GLP1R: variants seen among roughly 807,000 people sequenced by gnomAD.
GLP1R encodes glucagon like peptide 1 receptor.
GLP1R carries 32 observed loss-of-function variants against 68.4 expected under a neutral mutation model. The ratio of observed to expected loss-of-function variants is 0.47; its 90% CI spans 0.35 to 0.63. The LOEUF is 0.63. Among genes scored for constraint, GLP1R ranks in the 20% least tolerant of loss-of-function variants. The pLI is 0.00. For missense variants in GLP1R, 502 were observed against 594.9 expected, an observed-to-expected ratio of 0.84 and a Z score of 1.62; for synonymous variants, 263 against 244.4, an observed-to-expected ratio of 1.08 and a Z score of -0.71.
At chr6:39,061,509 G>C (rs1325068491) in intron 3 of GLP1R, among the ~76,000 whole-genome samples, 1 of 152,186 alleles carries the variant, frequency 6.6e-6, no homozygotes, top group Non-Finnish European at 1.5e-5. Flanking sequence ...CCTCCCCTGA[G>C]TAATGTGGAG....
rs201899163 is a variant in GLP1R, at chr6:39,079,701, A to G, written c.1181A>G (p.Gln394Arg). The G allele has an allele frequency of 3.1e-6, 5 of 1,612,328 alleles. No homozygotes were observed. The highest frequency in any genetic ancestry group is 1.1e-5 in the South Asian group (1 of 90,852). ...LFTELSFTSFQGLMVAILYCF... is the reference protein window; with the variant it reads ...LFTELSFTSFRGLMVAILYCF... ...ACAGAGCTCTCCTTCACCTCCTTCC[A>G]GGTGACTTCATGCTTGGGGACACTT... The change falls in exon 11 of 13, where the codon CAG (glutamine) becomes CGG (arginine). Residue 394 changes from glutamine (Q) to arginine (R), a missense_variant and splice_region_variant. Physicochemically the swap from Gln to Arg is conservative, Grantham distance 43. Coordinates refer to ENST00000373256, the MANE Select transcript of GLP1R (RefSeq NM_002062.5). The surrounding 1 kb of genome is among the most constrained non-coding windows in gnomAD (Gnocchi z 4.5).
chr6:39,058,572 G>T (rs1454825642), intron 3 of GLP1R, among the ~76,000 whole-genome samples: 1 of 152,116 alleles, frequency 6.6e-6, no homozygotes, highest in Admixed American at 6.5e-5. Context: ...CACCGTGGAG[G>T]ATAACAGGAG....
At position 39,078,393 on chromosome 6, in the gene GLP1R, T is replaced by C; in HGVS notation, c.884+11T>C. 6.3e-7 allele frequency: 1 copy of C among 1,597,880 alleles called. No individual in the cohort carries two copies. Among genetic ancestry groups the C allele is most frequent in the Non-Finnish European group, 8.6e-7 (1 of 1,165,220 alleles). The stretch of plus-strand genomic sequence containing the variant: ...CTATGAGGACGAGGGGTGAGTGTCC[T>C]GCTCCAAGGGGGCGGGTGTGCCCAG... On this transcript the variant is annotated intron_variant, in intron 8 of 12. Transcript: ENST00000373256.
intron 3 of GLP1R, among the ~76,000 whole-genome samples, chr6:39,064,000 CT>C (rs34132463): frequency 0.26 from 28,738 of 111,776 alleles, 3,267 homozygotes; most frequent in African/African-American, 0.32. Flanking sequence ...AGACTCAGTT[CT>C]TTTTTTTTTT....
chr6:39,086,565 C>A lies in GLP1R; in HGVS notation c.*492C>A, dbSNP rs1438675905. ...CTGCTTGCATCACTTGGGGTCACCA[C>A]CCTCCCCTGTCTTCTCTCAAAGGGA... On this transcript the variant is annotated 3_prime_UTR_variant, in exon 13 of 13. Coordinates refer to ENST00000373256, the MANE Select transcript of GLP1R (RefSeq NM_002062.5). This position sits in a 1 kb window ranked among gnomAD's most constrained non-coding sequence, Gnocchi z 4.5. 1.3e-5 allele frequency: 2 copies of A among 153,376 alleles called. No individual in the cohort carries two copies. Among genetic ancestry groups the A allele is most frequent in the Admixed American group, 6.5e-5 (1 of 15,306 alleles). 9.5% of individuals were successfully genotyped at this position (153,376 alleles called of 1,614,324 possible).
chr6:39,068,101 G>GA (rs1448393271), intron 5 of GLP1R, among the ~76,000 whole-genome samples: 2 of 151,836 alleles, frequency 1.3e-5, no homozygotes, highest in African/African-American at 4.8e-5. Flanking sequence ...TTTTTATCTG[G>GA]AAAAAAATAA....
At chr6:39,065,911 G>T in intron 4 of GLP1R, 82 bp downstream of exon 4, 1 of 813,108 alleles carries the variant, frequency 1.2e-6, no homozygotes, top group Admixed American at 2.0e-5. Context: ...CCTTGGCTTT[G>T]ATGGGGGCAT....
At position 39,073,763 on chromosome 6, in the gene GLP1R, G is replaced by A; in HGVS notation, c.817G>A (p.Gly273Ser). Reference protein sequence around the residue: ...QWIFRLYVSIGWGVPLLFVVP... With the variant: ...QWIFRLYVSISWGVPLLFVVP... The stretch of plus-strand genomic sequence containing the variant: ...GATCTTCAGGCTCTACGTGAGCATA[G>A]GCTGGGGTAAGAACCGCCATCACCC... Residue 273 changes from glycine (G) to serine (S), a missense_variant, in exon 7 of 13, where the codon GGC (glycine) becomes AGC (serine). Gly to Ser is a moderately conservative substitution (Grantham distance 56). Transcript: ENST00000373256. The A allele has an allele frequency of 6.2e-7, 1 of 1,613,874 alleles. No individual in the cohort carries two copies. The highest frequency in any genetic ancestry group is 8.5e-7 in the Non-Finnish European group (1 of 1,179,912).
At chr6:39,069,505 C>T (rs927628030) in intron 5 of GLP1R, among the ~76,000 whole-genome samples, 9 of 152,102 alleles carry the variant, frequency 5.9e-5, no homozygotes, top group African/African-American at 1.9e-4. Flanking sequence ...CGGTGGCGGG[C>T]GCCTGTAGTC....
Position 39,048,927 on chromosome 6 carries a change from C to CTGGGG in GLP1R, c.78+9_78+10insTGGGG, listed in dbSNP as rs774145497. Reference sequence around the variant, plus strand: ...CCGGCCCCCGCCCCCAGGTGAGATCCAGGGACCCCGACGACACCGGGGGAG... The same window carrying CTGGGG: ...CCGGCCCCCGCCCCCAGGTGAGATCCTGGGGAGGGACCCCGACGACACCGGGGGAG... On this transcript the variant is annotated intron_variant, in intron 1 of 12. Coordinates refer to ENST00000373256, the MANE Select transcript of GLP1R (RefSeq NM_002062.5). 3 of 1,284,376 alleles carry CTGGGG rather than the reference C, an allele frequency of 2.3e-6. No individual in the cohort carries two copies. The highest frequency in any genetic ancestry group is 3.1e-6 in the Non-Finnish European group (3 of 973,124). The allele number at this position is 1,284,376 out of a possible 1,614,324, so 79.6% of individuals were successfully genotyped here.
chr6:39,073,136 G>C, intron 6 of GLP1R, 121 bp downstream of exon 6: 1 of 901,636 alleles, frequency 1.1e-6, no homozygotes, highest in East Asian at 2.5e-5. Context: ...GGCCCTTCGG[G>C]AGCCCCCAGT....
chr6:39,070,093 A>G (rs1229488387), intron 5 of GLP1R, among the ~76,000 whole-genome samples: 1 of 152,208 alleles, frequency 6.6e-6, no homozygotes, highest in Non-Finnish European at 1.5e-5. Flanking sequence ...GGCCTCTTTT[A>G]TAAGGACGCT....
In GLP1R at chr6:39,079,784, A is replaced by G; in HGVS notation, c.1182+82A>G. 1 of 1,290,616 alleles carries G rather than the reference A, an allele frequency of 7.7e-7. No homozygotes were observed. Among genetic ancestry groups the G allele is most frequent in the Non-Finnish European group, 1.1e-6 (1 of 910,742 alleles). The allele number at this position is 1,290,616 out of a possible 1,614,324, so 79.9% of individuals were successfully genotyped here. A position where few individuals can be genotyped will look rare whatever the true frequency, so the allele number is the denominator to read the frequency against. ...ACACCAGCCTGCATCATGCAGATGG[A>G]AAAGGTGGGAAGACTGGGACCTGGA... On this transcript the variant is annotated intron_variant, in intron 11 of 12. Coordinates refer to ENST00000373256, the MANE Select transcript of GLP1R (RefSeq NM_002062.5). The surrounding 1 kb of genome is among the most constrained non-coding windows in gnomAD (Gnocchi z 4.5).
Position 39,079,136 on chromosome 6 carries a change from G to C in GLP1R, c.979G>C (p.Val327Leu). ...IGVNFLIFVR[V>L]ICIVVSKLKA... is the part of the protein sequence containing the mutation. ...GGTGAACTTCCTCATCTTTGTTCGG[G>C]TCATCTGCATCGTGGTATCCAAACT... The change falls in exon 10 of 13, where the codon GTC becomes CTC. Residue 327 changes from valine (V) to leucine (L), a missense_variant. Coordinates refer to ENST00000373256, the MANE Select transcript of GLP1R (RefSeq NM_002062.5). This position sits in a 1 kb window ranked among gnomAD's most constrained non-coding sequence, Gnocchi z 4.5. The C allele has an allele frequency of 6.2e-7, 1 of 1,614,086 alleles. No homozygotes were observed. Among genetic ancestry groups the C allele is most frequent in the Non-Finnish European group, 8.5e-7 (1 of 1,179,970 alleles).
chr6:39,052,999 C>T (rs1159339110), intron 1 of GLP1R, among the ~76,000 whole-genome samples: 1 of 152,150 alleles, frequency 6.6e-6, no homozygotes, highest in African/African-American at 2.4e-5. Flanking sequence ...TGAGGGATGC[C>T]CCTTCCTTCT....
chr6:39,089,598 A>G lies in GLP1R; in HGVS notation c.*3525A>G, dbSNP rs1260872008. Among the ~76,000 whole-genome samples the G allele has an allele frequency of 6.6e-6, 1 of 152,184 alleles. No individual in the cohort carries two copies. Among genetic ancestry groups the G allele is most frequent in the East Asian group, 1.9e-4 (1 of 5,200 alleles). The stretch of plus-strand genomic sequence containing the variant: ...TCCCATTTCTTTCTTCCGCAAGGAA[A>G]GAACATTGCATGTGGGCGTGTGTGT... On this transcript the variant is annotated 3_prime_UTR_variant, in exon 13 of 13. Transcript: ENST00000373256. This position sits in a 1 kb window ranked among gnomAD's most constrained non-coding sequence, Gnocchi z 4.1.
At chr6:39,066,132 A>T in intron 4 of GLP1R, 65 bp from the exon 5 acceptor site, 1 of 906,172 alleles carries the variant, frequency 1.1e-6, no homozygotes, top group Non-Finnish European at 1.8e-6. Context: ...GTGCCATGGG[A>T]AGGAAGATTG....
In GLP1R at chr6:39,086,577, T is replaced by G. The variant is rs201620340; in HGVS notation, c.*504T>G. ...CTTGGGGTCACCACCCTCCCCTGTC[T>G]TCTCTCAAAGGGAAGCTGTTTGTGT... is the stretch of plus-strand genomic sequence containing the variant. On this transcript the variant is annotated 3_prime_UTR_variant, in exon 13 of 13. Transcript: ENST00000373256. The surrounding 1 kb of genome is among the most constrained non-coding windows in gnomAD (Gnocchi z 4.5). 6.5e-6 allele frequency: 1 copy of G among 153,158 alleles called. No homozygotes were observed. Among genetic ancestry groups the G allele is most frequent in the Non-Finnish European group, 1.5e-5 (1 of 68,446 alleles). 9.5% of individuals were successfully genotyped at this position (153,158 alleles called of 1,614,324 possible). A position where few individuals can be genotyped will look rare whatever the true frequency, so the allele number is the denominator to read the frequency against.
intron 1 of GLP1R, among the ~76,000 whole-genome samples, chr6:39,053,668 G>A (rs1365034383): frequency 6.6e-6 from 1 of 152,194 alleles, no homozygotes; most frequent in Non-Finnish European, 1.5e-5. Context: ...TTTTGCACAA[G>A]TGTAAGCTGA....
Sources: gnomAD v4.1 joint callset for allele counts (sites outside exome capture counted in the v4.1 genomes callset) on GRCh38, gnomAD v4.1.1 for gene constraint, Gnocchi (gnomAD v3.1) non-coding constraint, MANE v1.5 for transcripts, NCBI Gene and HGNC (gene_info 2026-07-23, HGNC 2026-07-21) for gene names.